Variants in FFAR4 observed in about 807,000 individuals in gnomAD.
FFAR4 encodes G-protein coupled receptor 120.
FFAR4 carries 19 observed loss-of-function variants against 27.0 expected under a neutral mutation model. The observed-to-expected ratio is 0.70, with a 90% CI of 0.49 to 1.03. The LOEUF (loss-of-function observed/expected upper bound fraction) is 1.03. Ranked by LOEUF, FFAR4 falls within the 50% of genes least tolerant of loss-of-function variation. The pLI, the probability that FFAR4 is intolerant of heterozygous loss-of-function variation, is 0.00. For synonymous variants in FFAR4, 254 were observed against 215.6 expected (o/e 1.18, Z -1.56); for missense variants, 476 against 479.0 (o/e 0.99, Z 0.06).
In FFAR4 at chr10:93,567,002, G is replaced by T; in HGVS notation, c.282G>T (p.Leu94=). 1 of 1,611,920 alleles carries T rather than the reference G, an allele frequency of 6.2e-7. No individual in the cohort carries two copies. The part of the protein sequence containing the change: ...ADLLFISAIP[L]VLAVRWTEAW... ...TGCTCTTCATCAGCGCTATCCCTCT[G>T]GTGCTGGCCGTGCGCTGGACTGAGG... Residue 94 remains leucine, a synonymous_variant, in exon 1 of 3, where the codon CTG becomes CTT. Transcript: ENST00000371481.
chr10:93,570,348 G>GA (rs1014689199), intron 1 of FFAR4, among the ~76,000 whole-genome samples: 7 of 148,736 alleles, frequency 4.7e-5, no homozygotes, highest in African/African-American at 1.5e-4. Flanking sequence ...ATGAGAGACA[G>GA]AAAAAAACAA....
rs112940275 is a variant in FFAR4, at chr10:93,587,314, G to A, written c.791G>A (p.Arg264His). 6.4e-4 allele frequency: 1,040 copies of A among 1,613,928 alleles called. 7 individuals are homozygous for A. The highest frequency in any genetic ancestry group is 3.3e-4 in the Middle Eastern group (2 of 6,084). The change falls in exon 3 of 3, where the codon CGC becomes CAC. Residue 264 changes from arginine to histidine, a missense_variant. By Grantham distance (29) the Arg-to-His change is conservative (BLOSUM62 0). Coordinates refer to ENST00000371481, the MANE Select transcript of FFAR4 (RefSeq NM_001195755.2). ...TCCCAGCAGGACTTCCGGCTCTTCC[G>A]CACCCTCTTCCTCCTCATGGTCTCC... ...RVSQQDFRLF[R>H]TLFLLMVSFF...
intron 1 of FFAR4, among the ~76,000 whole-genome samples, chr10:93,570,459 C>A: frequency 6.6e-6 from 1 of 151,758 alleles, no homozygotes; most frequent in East Asian, 1.9e-4. Flanking sequence ...TTTTCTCAAT[C>A]CCCATATTCC....
intron 1 of FFAR4, among the ~76,000 whole-genome samples, chr10:93,568,359 T>C (rs2058112620): frequency 6.6e-6 from 1 of 152,152 alleles, no homozygotes; most frequent in African/African-American, 2.4e-5. Context: ...CTTCTGCCCG[T>C]GGCTGGGTTC....
intron 1 of FFAR4, among the ~76,000 whole-genome samples, chr10:93,574,392 G>A (rs1326510003): frequency 1.3e-5 from 2 of 152,094 alleles, no homozygotes; most frequent in Non-Finnish European, 2.9e-5. Flanking sequence ...CACAAGAATA[G>A]GAATGAGAGA....
intron 1 of FFAR4, among the ~76,000 whole-genome samples, chr10:93,573,439 C>G (rs1477099732): frequency 6.6e-6 from 1 of 152,190 alleles, no homozygotes; most frequent in Non-Finnish European, 1.5e-5. Context: ...GACATGCTGC[C>G]TAACTCCTCT....
Position 93,566,719 on chromosome 10 carries a change from G to C in FFAR4, c.-2G>C. 1.3e-6 allele frequency: 2 copies of C among 1,580,036 alleles called. No homozygotes were observed. Among genetic ancestry groups the C allele is most frequent in the African/African-American group, 1.3e-5 (1 of 74,328 alleles). On this transcript the variant is annotated 5_prime_UTR_variant, in exon 1 of 3. Coordinates refer to ENST00000371481, the MANE Select transcript of FFAR4 (RefSeq NM_001195755.2). ...ACCGCTGCGGGCCGCCAGGCGCCGG[G>C]AATGTCCCCTGAATGCGCGCGGGCA...
chr10:93,587,130 A>G, intron 2 of FFAR4, 90 bp from the exon 3 acceptor site: 1 of 1,171,162 alleles, frequency 8.5e-7, no homozygotes, highest in Non-Finnish European at 1.2e-6. Context: ...TGCCTTGGGG[A>G]TAGCAGATTC....
At chr10:93,580,652 C>G (rs1419785671) in intron 2 of FFAR4, among the ~76,000 whole-genome samples, 1 of 152,222 alleles carries the variant, frequency 6.6e-6, no homozygotes, top group Non-Finnish European at 1.5e-5. Context: ...CAGAGCATCT[C>G]TCTGCACTGG....
intron 1 of FFAR4, among the ~76,000 whole-genome samples, chr10:93,570,454 T>G (rs552973700): frequency 1.3e-5 from 2 of 151,996 alleles, no homozygotes; most frequent in Non-Finnish European, 2.9e-5. Context: ...GCTTGTTTTC[T>G]CAATCCCCAT....
At position 93,567,082 on chromosome 10, in the gene FFAR4, G is replaced by A. The variant is rs1267169770; in HGVS notation, c.362G>A (p.Ser121Asn). Reference protein sequence around the residue: ...CHLLFYVMTLSGSVTILTLAA... With the variant: ...CHLLFYVMTLNGSVTILTLAA... ...CTGCTCTTCTACGTGATGACCCTGA[G>A]CGGCAGCGTCACCATCCTCACGCTG... The change falls in exon 1 of 3, where the codon AGC becomes AAC. Residue 121 changes from serine (S) to asparagine (N), a missense_variant. Physicochemically the swap from Ser to Asn is conservative, Grantham distance 46. Coordinates refer to ENST00000371481, the MANE Select transcript of FFAR4 (RefSeq NM_001195755.2). 11 of 1,610,358 alleles carry A rather than the reference G, an allele frequency of 6.8e-6. No homozygotes were observed. Among genetic ancestry groups the A allele is most frequent in the Non-Finnish European group, 9.3e-6 (11 of 1,179,258 alleles).
At chr10:93,577,501 C>T (rs2058170908) in intron 2 of FFAR4, among the ~76,000 whole-genome samples, 1 of 152,170 alleles carries the variant, frequency 6.6e-6, no homozygotes, top group Admixed American at 6.5e-5. Context: ...CACCCAATGA[C>T]CACTAAAGTG....
chr10:93,575,748 G>A (rs923204563), intron 1 of FFAR4, among the ~76,000 whole-genome samples: 1 of 152,182 alleles, frequency 6.6e-6, no homozygotes, highest in Non-Finnish European at 1.5e-5. Flanking sequence ...AAAATGGCAG[G>A]CTTGGAAGAG....
intron 2 of FFAR4, among the ~76,000 whole-genome samples, chr10:93,576,761 T>A (rs1408371690): frequency 1.3e-5 from 2 of 152,238 alleles, no homozygotes; most frequent in Admixed American, 6.5e-5. Context: ...CTCATTATTT[T>A]TAGTGGCTAC....
At chr10:93,570,130 C>T (rs768693347) in intron 1 of FFAR4, among the ~76,000 whole-genome samples, 1 of 151,522 alleles carries the variant, frequency 6.6e-6, no homozygotes, top group Non-Finnish European at 1.5e-5. Context: ...TCTTTGTCTT[C>T]TTTCCTACCT....
intron 1 of FFAR4, among the ~76,000 whole-genome samples, chr10:93,570,837 TC>T (rs2058127896): frequency 6.6e-6 from 1 of 152,118 alleles, no homozygotes; most frequent in Non-Finnish European, 1.5e-5. Flanking sequence ...TCTGTTTAAA[TC>T]CCATCTCTGC....
In FFAR4 at chr10:93,566,682, G is replaced by A. The variant is rs1314415954; in HGVS notation, c.-39G>A. The A allele has an allele frequency of 3.1e-6, 4 of 1,300,468 alleles. No homozygotes were observed. In the African/African-American group the frequency reaches 5.9e-5, roughly 19 times the overall value. The allele number at this position is 1,300,468 out of a possible 1,614,324, so 80.6% of individuals were successfully genotyped here. A position where few individuals can be genotyped will look rare whatever the true frequency, so the allele number is the denominator to read the frequency against. ...TGGCACTCAGTCGCCTCCCAGATGA[G>A]CACTCTCTCAGACCGCTGCGGGCCG... On this transcript the variant is annotated 5_prime_UTR_variant, in exon 1 of 3. Transcript: ENST00000371481.
At chr10:93,576,569 G>A (rs1427291270) in intron 2 of FFAR4, among the ~76,000 whole-genome samples, 3 of 152,096 alleles carry the variant, frequency 2.0e-5, no homozygotes, top group Non-Finnish European at 4.4e-5. Context: ...TTATGTATAT[G>A]TCATGTATAC....
intron 1 of FFAR4, 104 bp from the exon 2 acceptor site, chr10:93,575,987 G>T: frequency 9.0e-7 from 1 of 1,111,154 alleles, no homozygotes; most frequent in Non-Finnish European, 1.3e-6. Flanking sequence ...TTGTGTAACT[G>T]GGCAATGCAA....
Sources: gnomAD v4.1 joint callset for allele counts (sites outside exome capture counted in the v4.1 genomes callset) on GRCh38, gnomAD v4.1.1 for gene constraint, MANE v1.5 for transcripts, NCBI Gene and HGNC (gene_info 2026-07-23, HGNC 2026-07-21) for gene names.